The following TBC1D22A variants were observed in gnomAD, a reference collection of about 807,000 sequenced individuals.
TBC1D22A encodes TBC1 domain family member 22A.
In TBC1D22A, 38 loss-of-function variants were observed where a neutral mutation model predicts 60.2. The ratio of observed to expected loss-of-function variants is 0.63; its 90% CI spans 0.49 to 0.83. The LOEUF (loss-of-function observed/expected upper bound fraction) is 0.83. Among genes scored for constraint, TBC1D22A ranks in the 40% least tolerant of loss-of-function variants. The pLI is 0.00. For missense variants in TBC1D22A, 628 were observed against 701.0 expected (o/e 0.90, Z 1.18); for synonymous variants, 302 against 281.7 (o/e 1.07, Z -0.72).
intron 11 of TBC1D22A, among the ~76,000 whole-genome samples, chr22:47,099,578 T>C (rs898400351): frequency 2.0e-5 from 3 of 152,064 alleles, no homozygotes; most frequent in African/African-American, 7.2e-5. Context: ...CCCGAGTAGC[T>C]GGGACTACAG....
chr22:46,847,136 C>G (rs1377694401), intron 4 of TBC1D22A, among the ~76,000 whole-genome samples: 1 of 152,190 alleles, frequency 6.6e-6, no homozygotes, highest in Admixed American at 6.5e-5. Context: ...CTGCGGTGAC[C>G]TCTCCCTCAT....
At position 46,974,387 on chromosome 22, in the gene TBC1D22A, G is replaced by A; in HGVS notation, c.1113G>A (p.Leu371=). ...CCTACTGGTGCATGAGCAAGCTGCT[G>A]GATGGCATTCAGGTGAGCGCCCGCG... The part of the protein sequence containing the change: ...ADTYWCMSKL[L]DGIQDNYTFA... Residue 371 remains leucine (L), a synonymous_variant, in exon 9 of 13, where the codon CTG becomes CTA. Transcript: ENST00000337137. 1 of 1,611,086 alleles carries A rather than the reference G, an allele frequency of 6.2e-7. No homozygotes were observed. Among genetic ancestry groups the A allele is most frequent in the Non-Finnish European group, 8.5e-7 (1 of 1,178,922 alleles).
chr22:47,111,389 CA>C lies in TBC1D22A; in HGVS notation c.1330-117del, dbSNP rs560478427. 2.9e-4 allele frequency: 237 copies of C among 826,398 alleles called. No individual in the cohort carries two copies. In the Admixed American group the frequency reaches 3.2e-3, roughly 11 times the overall value. The allele number at this position is 826,398 out of a possible 1,614,324, so 51.2% of individuals were successfully genotyped here. ...GGCATTAAGTAAAAGTGAGTCAACA[CA>C]AGCTTTGGTTTCCTCTGAACCCTGA... On this transcript the variant is annotated intron_variant, in intron 11 of 12. Coordinates refer to ENST00000337137, the MANE Select transcript of TBC1D22A (RefSeq NM_014346.5).
At chr22:46,830,275 C>T (rs2086255019) in intron 4 of TBC1D22A, among the ~76,000 whole-genome samples, 1 of 152,238 alleles carries the variant, frequency 6.6e-6, no homozygotes, top group Admixed American at 6.5e-5. Flanking sequence ...AGAGTGACTG[C>T]TCATCGTATG....
At chr22:46,893,804 C>T (rs1288161200) in intron 6 of TBC1D22A, among the ~76,000 whole-genome samples, 3 of 152,216 alleles carry the variant, frequency 2.0e-5, no homozygotes, top group African/African-American at 7.2e-5. Context: ...CTGCTGCTGG[C>T]GGGCCTCCTT....
At chr22:46,839,306 CTTCT>C (rs2086651036) in intron 4 of TBC1D22A, among the ~76,000 whole-genome samples, 2 of 150,220 alleles carry the variant, frequency 1.3e-5, no homozygotes, top group African/African-American at 4.9e-5. Context: ...AAGGATTCTT[CTTCT>C]TTTTTTTTTT....
At chr22:47,047,929 G>A (rs2063082861) in intron 11 of TBC1D22A, among the ~76,000 whole-genome samples, 2 of 152,218 alleles carry the variant, frequency 1.3e-5, no homozygotes, top group South Asian at 4.1e-4. Flanking sequence ...CCAAAGTTTA[G>A]AGTTGACAGC....
chr22:47,022,384 G>A (rs1160061425), intron 10 of TBC1D22A, among the ~76,000 whole-genome samples: 2 of 152,230 alleles, frequency 1.3e-5, no homozygotes, highest in Non-Finnish European at 2.9e-5. Flanking sequence ...ATTGCCTGGA[G>A]AGAGTCTCTG....
chr22:46,910,140 C>T (rs566633617), intron 7 of TBC1D22A, among the ~76,000 whole-genome samples: 5 of 152,146 alleles, frequency 3.3e-5, no homozygotes, highest in East Asian at 1.9e-4. Context: ...AATATATGTG[C>T]GCGAACATAT....
chr22:46,915,135 G>C, intron 8 of TBC1D22A: 2 of 334,974 alleles, frequency 6.0e-6, no homozygotes, highest in East Asian at 7.5e-5. Flanking sequence ...CGAGTCCCAG[G>C]GGTGTGCGAA....
intron 4 of TBC1D22A, among the ~76,000 whole-genome samples, chr22:46,846,253 A>G (rs2086986717): frequency 6.6e-6 from 1 of 152,228 alleles, no homozygotes; most frequent in Admixed American, 6.5e-5. Flanking sequence ...AGCTGTTGTG[A>G]TCTTTCAATG....
intron 10 of TBC1D22A, among the ~76,000 whole-genome samples, chr22:47,011,176 A>G (rs185662317): frequency 1.3e-5 from 2 of 152,268 alleles, no homozygotes; most frequent in Non-Finnish European, 2.9e-5. Context: ...GGGTTGGTGC[A>G]CAGGAGAGAG....
chr22:46,920,821 A>G lies in TBC1D22A; in HGVS notation c.1015+8633A>G, dbSNP rs149641774. ...ATGGTGTCTCTGTTGCTCAGGCTGG[A>G]GTGCAGTCGTGCGATATCGGCTCAC... On this transcript the variant is annotated intron_variant, in intron 8 of 12. Coordinates refer to ENST00000337137, the MANE Select transcript of TBC1D22A (RefSeq NM_014346.5). Among the ~76,000 whole-genome samples the G allele has an allele frequency of 7.3e-3, 1,103 of 151,042 alleles. 10 individuals are homozygous for G. The highest frequency in any genetic ancestry group is 0.026 in the African/African-American group (1,051 of 41,094).
At chr22:46,855,910 T>C (rs774131425) in intron 4 of TBC1D22A, among the ~76,000 whole-genome samples, 1 of 152,256 alleles carries the variant, frequency 6.6e-6, no homozygotes, top group East Asian at 1.9e-4. Flanking sequence ...GAGCTTATCA[T>C]GGACAAGACT....
chr22:46,947,011 A>G (rs960432244), intron 8 of TBC1D22A, among the ~76,000 whole-genome samples: 20 of 152,150 alleles, frequency 1.3e-4, no homozygotes, highest in African/African-American at 4.8e-4. Context: ...CTTCTCCAGG[A>G]GGAGCAAGTC....
intron 1 of TBC1D22A, among the ~76,000 whole-genome samples, chr22:46,769,325 G>C (rs1569353606): frequency 6.6e-6 from 1 of 152,176 alleles, no homozygotes; most frequent in Admixed American, 6.5e-5. Flanking sequence ...GGCACTGTTG[G>C]GGATAATGAA....
intron 8 of TBC1D22A, among the ~76,000 whole-genome samples, chr22:46,944,923 G>C (rs62232718): frequency 0.058 from 8,862 of 152,222 alleles, 380 homozygotes; most frequent in Non-Finnish European, 0.091. Context: ...ACATGTAGAT[G>C]ATTTTTCTTT....
intron 4 of TBC1D22A, among the ~76,000 whole-genome samples, chr22:46,839,198 T>A (rs984104107): frequency 6.6e-6 from 1 of 152,112 alleles, no homozygotes; most frequent in African/African-American, 2.4e-5. Context: ...TTCTATACAC[T>A]AACAACAACT....
intron 12 of TBC1D22A, among the ~76,000 whole-genome samples, chr22:47,160,736 C>T (rs76749824): frequency 2.0e-5 from 3 of 152,204 alleles, no homozygotes; most frequent in East Asian, 3.8e-4. Flanking sequence ...ACACCTGACA[C>T]GACCAAGCCA....
Sources: gnomAD v4.1 joint callset for allele counts (sites outside exome capture counted in the v4.1 genomes callset) on GRCh38, gnomAD v4.1.1 for gene constraint, MANE v1.5 for transcripts, NCBI Gene and HGNC (gene_info 2026-07-23, HGNC 2026-07-21) for gene names.